NOL4: variants seen among roughly 807,000 people sequenced by gnomAD.
NOL4 encodes cancer/testis antigen 125.
In NOL4, 17 loss-of-function variants were observed where a neutral mutation model predicts 75.9. The observed-to-expected ratio is 0.22, with a 90% CI of 0.15 to 0.34. The LOEUF (loss-of-function observed/expected upper bound fraction) is 0.34. NOL4 is among the 10% of genes least tolerant of loss of function. The pLI, the probability that NOL4 is intolerant of heterozygous loss-of-function variation, is 1.00. For synonymous variants in NOL4, 292 were observed against 289.9 expected (o/e 1.01, Z -0.07); for missense variants, 614 against 793.5 (o/e 0.77, Z 2.72).
intron 8 of NOL4, among the ~76,000 whole-genome samples, chr18:33,953,288 C>T (rs184034824): frequency 8.5e-4 from 127 of 148,546 alleles, no homozygotes; most frequent in Middle Eastern, 3.4e-3. Flanking sequence ...ATTTTTTGCT[C>T]ATAATTGTGT....
intron 1 of NOL4, among the ~76,000 whole-genome samples, chr18:34,137,567 T>A (rs555068457): frequency 6.6e-6 from 1 of 152,136 alleles, no homozygotes; most frequent in South Asian, 2.1e-4. Flanking sequence ...TAAATGCAAA[T>A]CAAAATAACA....
chr18:33,911,798 G>GA (rs1481098293), intron 9 of NOL4, among the ~76,000 whole-genome samples: 1 of 151,954 alleles, frequency 6.6e-6, no homozygotes, highest in Non-Finnish European at 1.5e-5. Context: ...GCTAAAAACT[G>GA]AAAAAAGGCC....
chr18:33,952,924 C>T (rs2069348331), intron 8 of NOL4, among the ~76,000 whole-genome samples: 2 of 151,878 alleles, frequency 1.3e-5, no homozygotes, highest in South Asian at 4.2e-4. Flanking sequence ...AACTCCGTCT[C>T]AAAAAAACAA....
chr18:33,964,478 AAGAAAAGAAAGGAC>A (rs1256329597), intron 6 of NOL4, among the ~76,000 whole-genome samples: 53 of 152,112 alleles, frequency 3.5e-4, no homozygotes, highest in African/African-American at 1.3e-3. Context: ...AAAGAAAAGA[AAGAAAAGAAAGGAC>A]AGAAAAGAAA....
At chr18:33,887,042 C>T (rs1172213260) in intron 9 of NOL4, among the ~76,000 whole-genome samples, 1 of 129,958 alleles carries the variant, frequency 7.7e-6, no homozygotes, top group Non-Finnish European at 1.6e-5. Flanking sequence ...TATATTATAT[C>T]TAGATCTAAT....
chr18:33,905,936 T>C (rs1321963698), intron 9 of NOL4, among the ~76,000 whole-genome samples: 1 of 152,132 alleles, frequency 6.6e-6, no homozygotes, highest in Non-Finnish European at 1.5e-5. Flanking sequence ...TTCCACAAGA[T>C]TTTGGAATGA....
chr18:34,124,832 G>A (rs760789987), intron 2 of NOL4, among the ~76,000 whole-genome samples: 3 of 151,828 alleles, frequency 2.0e-5, no homozygotes, highest in East Asian at 3.9e-4. Context: ...ACTTGAACTC[G>A]GGAGGTGGAG....
chr18:34,082,290 T>A (rs1230017976), intron 5 of NOL4, among the ~76,000 whole-genome samples: 1 of 152,072 alleles, frequency 6.6e-6, no homozygotes, highest in East Asian at 1.9e-4. Flanking sequence ...TGTGTTCCAA[T>A]CCTGTTTCTA....
At chr18:33,949,843 T>C (rs989964120) in intron 8 of NOL4, among the ~76,000 whole-genome samples, 1 of 152,078 alleles carries the variant, frequency 6.6e-6, no homozygotes, top group Admixed American at 6.6e-5. Flanking sequence ...AATTAATAAG[T>C]CTTCTAGTTG....
intron 2 of NOL4, among the ~76,000 whole-genome samples, chr18:34,107,796 A>G (rs928009716): frequency 6.6e-6 from 1 of 152,122 alleles, no homozygotes; most frequent in Non-Finnish European, 1.5e-5. Flanking sequence ...AGTTTCCAGC[A>G]TTTGTCCCCT....
At chr18:33,985,621 T>C (rs534662263) in intron 6 of NOL4, among the ~76,000 whole-genome samples, 1 of 152,266 alleles carries the variant, frequency 6.6e-6, no homozygotes, top group Non-Finnish European at 1.5e-5. Context: ...CCCTCATGTC[T>C]TGTCTTCCTC....
chr18:33,915,844 C>A (rs1340567351), intron 9 of NOL4, among the ~76,000 whole-genome samples: 1 of 152,252 alleles, frequency 6.6e-6, no homozygotes, highest in African/African-American at 2.4e-5. Context: ...GTAACAAAGT[C>A]AATTCCTCTT....
At chr18:33,915,620 A>G (rs1276529493) in intron 9 of NOL4, among the ~76,000 whole-genome samples, 6 of 152,122 alleles carry the variant, frequency 3.9e-5, no homozygotes, top group Non-Finnish European at 8.8e-5. Context: ...AAGAGTGGAG[A>G]AGGCGAGATA....
At chr18:34,043,248 A>C (rs1294626911) in intron 5 of NOL4, among the ~76,000 whole-genome samples, 1 of 152,130 alleles carries the variant, frequency 6.6e-6, no homozygotes, top group African/African-American at 2.4e-5. Flanking sequence ...AATGACAAAT[A>C]AATGAATTAA....
intron 2 of NOL4, among the ~76,000 whole-genome samples, chr18:34,115,728 G>T (rs1334093372): frequency 2.0e-5 from 3 of 151,936 alleles, no homozygotes; most frequent in Non-Finnish European, 4.4e-5. Flanking sequence ...CTTTTTCGGG[G>T]ACTTCTCTCT....
chr18:33,893,858 G>A (rs1018573480), intron 9 of NOL4, among the ~76,000 whole-genome samples: 2 of 152,006 alleles, frequency 1.3e-5, no homozygotes, highest in Non-Finnish European at 2.9e-5. Context: ...CTGTTTTAAG[G>A]TAAAGAGCCT....
chr18:34,210,145 A>G (rs190487243), intron 1 of NOL4, among the ~76,000 whole-genome samples: 187 of 152,350 alleles, frequency 1.2e-3, no homozygotes, highest in Admixed American at 4.5e-3. Flanking sequence ...ATACTAATGT[A>G]TAATTATTTG....
intron 9 of NOL4, among the ~76,000 whole-genome samples, chr18:33,909,118 C>T (rs1375425140): frequency 6.6e-6 from 1 of 152,046 alleles, no homozygotes; most frequent in Non-Finnish European, 1.5e-5. Context: ...CAAAAATATG[C>T]ACATATGCAC....
chr18:33,899,765 G>T (rs1463709024), intron 9 of NOL4, among the ~76,000 whole-genome samples: 2 of 152,130 alleles, frequency 1.3e-5, no homozygotes, highest in Admixed American at 1.3e-4. Context: ...TTACCCTGGG[G>T]TATCCTGTTG....
Sources: allele counts gnomAD v4.1 joint callset (sites outside exome capture counted in the v4.1 genomes callset), GRCh38; gene constraint gnomAD v4.1.1; transcripts MANE v1.5; gene names NCBI Gene and HGNC (gene_info 2026-07-23, HGNC 2026-07-21).